The following SLC24A3 variants were observed in gnomAD, a reference collection of about 807,000 sequenced individuals.
SLC24A3 encodes the protein sodium/potassium/calcium exchanger 3.
A neutral mutation model predicts 75.8 loss-of-function variants in SLC24A3; 28 were observed. That is an observed-to-expected ratio of 0.37 (90% confidence interval 0.27 to 0.51). The LOEUF (loss-of-function observed/expected upper bound fraction) is 0.51. SLC24A3 is among the 20% of genes least tolerant of loss of function. The pLI, the probability that SLC24A3 is intolerant of heterozygous loss-of-function variation, is 0.94. For missense variants in SLC24A3, 663 were observed against 847.8 expected, an observed-to-expected ratio of 0.78 and a Z score of 2.71; for synonymous variants, 372 against 334.1, an observed-to-expected ratio of 1.11 and a Z score of -1.24.
chr20:19,515,356 G>T (rs2029964758), intron 2 of SLC24A3, 132 bp from the exon 3 acceptor site: 1 of 863,118 alleles, frequency 1.2e-6, no homozygotes, highest in Non-Finnish European at 1.9e-6. Context: ...GGTTAGTTTT[G>T]TGAACTTAAA....
intron 1 of SLC24A3, among the ~76,000 whole-genome samples, chr20:19,264,552 C>T (rs982474809): frequency 6.6e-6 from 1 of 151,786 alleles, no homozygotes; most frequent in Non-Finnish European, 1.5e-5. Flanking sequence ...CGGTGAAAAC[C>T]TGTCTCTACT....
intron 2 of SLC24A3, among the ~76,000 whole-genome samples, chr20:19,444,761 A>G (rs902130551): frequency 6.6e-6 from 1 of 150,976 alleles, no homozygotes; most frequent in African/African-American, 2.5e-5. Flanking sequence ...TAAAAGAACT[A>G]TCTTTTTGTT....
intron 12 of SLC24A3, among the ~76,000 whole-genome samples, chr20:19,688,304 A>G (rs1456444421): frequency 6.6e-6 from 1 of 152,194 alleles, no homozygotes; most frequent in African/African-American, 2.4e-5. Context: ...GCACTCAGCA[A>G]TCTTCCCAGT....
intron 8 of SLC24A3, among the ~76,000 whole-genome samples, chr20:19,667,260 G>C (rs1284723771): frequency 4.6e-5 from 7 of 152,222 alleles, no homozygotes; most frequent in African/African-American, 1.7e-4. Context: ...AGACAGCTAG[G>C]AGAAAATGAG....
chr20:19,682,747 CA>C (rs2032629507), intron 10 of SLC24A3, among the ~76,000 whole-genome samples: 1 of 152,104 alleles, frequency 6.6e-6, no homozygotes, highest in African/African-American at 2.4e-5. Flanking sequence ...TTACTAGATC[CA>C]AATTCACTTT....
At chr20:19,630,965 TAAC>T (rs1398736942) in intron 6 of SLC24A3, among the ~76,000 whole-genome samples, 1 of 152,194 alleles carries the variant, frequency 6.6e-6, no homozygotes. Flanking sequence ...CCAATTATAT[TAAC>T]AACCACCCTC....
chr20:19,228,822 T>G (rs1282584067), intron 1 of SLC24A3, among the ~76,000 whole-genome samples: 1 of 152,248 alleles, frequency 6.6e-6, no homozygotes, highest in Admixed American at 6.5e-5. Context: ...TTTATTTATT[T>G]GCATTTTCTA....
At chr20:19,567,459 T>C (rs2030977020) in intron 3 of SLC24A3, among the ~76,000 whole-genome samples, 1 of 152,030 alleles carries the variant, frequency 6.6e-6, no homozygotes, top group Non-Finnish European at 1.5e-5. Flanking sequence ...AAACACTGAG[T>C]ACACATGGAC....
chr20:19,686,467 G>A (rs978116275), intron 12 of SLC24A3, among the ~76,000 whole-genome samples: 5 of 152,260 alleles, frequency 3.3e-5, no homozygotes, highest in African/African-American at 4.8e-5. Flanking sequence ...GCTTCTGGCT[G>A]TTTCAGGGAA....
At chr20:19,402,796 A>G (rs1352048360) in intron 2 of SLC24A3, among the ~76,000 whole-genome samples, 2 of 152,154 alleles carry the variant, frequency 1.3e-5, no homozygotes, top group Non-Finnish European at 2.9e-5. Context: ...GTTCAAGATG[A>G]CCCAGAAATA....
At chr20:19,452,441 G>T (rs1987503021) in intron 2 of SLC24A3, among the ~76,000 whole-genome samples, 1 of 147,918 alleles carries the variant, frequency 6.8e-6, no homozygotes, top group South Asian at 2.1e-4. Flanking sequence ...AAGTAAGGTG[G>T]TGGGGAGGAG....
chr20:19,239,806 G>A (rs565567608), intron 1 of SLC24A3, among the ~76,000 whole-genome samples: 9 of 152,304 alleles, frequency 5.9e-5, no homozygotes, highest in African/African-American at 1.9e-4. Context: ...TGGAGGCATG[G>A]GTGAGGAAAC....
intron 1 of SLC24A3, among the ~76,000 whole-genome samples, chr20:19,233,032 A>G (rs749102110): frequency 6.6e-6 from 1 of 152,236 alleles, no homozygotes; most frequent in Non-Finnish European, 1.5e-5. Flanking sequence ...GCGTCACATC[A>G]TGACCTTTAC....
intron 2 of SLC24A3, among the ~76,000 whole-genome samples, chr20:19,463,995 G>A (rs536503849): frequency 6.6e-6 from 1 of 152,328 alleles, no homozygotes; most frequent in South Asian, 2.1e-4. Context: ...GCCCAGCCCT[G>A]AACACTTGTG....
intron 15 of SLC24A3, among the ~76,000 whole-genome samples, chr20:19,703,785 C>T (rs368233185): frequency 6.6e-6 from 1 of 152,150 alleles, no homozygotes; most frequent in Admixed American, 6.5e-5. Flanking sequence ...GTATTTGGCC[C>T]AACCAAACAA....
At chr20:19,615,515 G>A (rs936148675) in intron 6 of SLC24A3, among the ~76,000 whole-genome samples, 4 of 152,148 alleles carry the variant, frequency 2.6e-5, no homozygotes, top group African/African-American at 7.2e-5. Context: ...GGCCAGAGCA[G>A]GAGCAAGAGA....
At chr20:19,689,700 G>A (rs6515031) in intron 12 of SLC24A3, among the ~76,000 whole-genome samples, 31,072 of 152,150 alleles carry the variant, frequency 0.2, 3,481 homozygotes, top group Non-Finnish European at 0.24. Flanking sequence ...GACTCAAAGA[G>A]GAAAGGAAAC....
At chr20:19,227,557 T>C (rs1981903919) in intron 1 of SLC24A3, among the ~76,000 whole-genome samples, 1 of 152,212 alleles carries the variant, frequency 6.6e-6, no homozygotes, top group Non-Finnish European at 1.5e-5. Flanking sequence ...CTTTACTTCA[T>C]TTGGAATTTA....
intron 2 of SLC24A3, among the ~76,000 whole-genome samples, chr20:19,432,411 A>G (rs149222973): frequency 2.0e-4 from 30 of 152,178 alleles, no homozygotes; most frequent in African/African-American, 7.2e-4. Flanking sequence ...TGAAAGTATT[A>G]GATTGCTTTT....
Sources: allele counts gnomAD v4.1 joint callset (sites outside exome capture counted in the v4.1 genomes callset), GRCh38; gene constraint gnomAD v4.1.1; transcripts MANE v1.5; gene names NCBI Gene and HGNC (gene_info 2026-07-23, HGNC 2026-07-21).